HNRNPLL: variants seen among roughly 807,000 people sequenced by gnomAD.
The protein encoded by HNRNPLL is heterogeneous nuclear ribonucleoprotein L-like.
HNRNPLL carries 25 observed loss-of-function variants against 67.1 expected under a neutral mutation model. The ratio of observed to expected loss-of-function variants is 0.37; its 90% CI spans 0.27 to 0.52. The LOEUF (loss-of-function observed/expected upper bound fraction) is 0.52. Ranked by LOEUF, HNRNPLL falls within the 20% of genes least tolerant of loss-of-function variation. The probability of loss-of-function intolerance (pLI) is 0.90; values close to 1 mark genes in which losing one functional copy is unlikely to be tolerated. For synonymous variants in HNRNPLL, 267 were observed against 241.7 expected, an observed-to-expected ratio of 1.10 and a Z score of -0.97; for missense variants, 542 against 673.9, an observed-to-expected ratio of 0.80 and a Z score of 2.17.
chr2:38,600,017 A>G (rs1667359808), intron 1 of HNRNPLL: 1 of 429,356 alleles, frequency 2.3e-6, no homozygotes, highest in Admixed American at 2.9e-5. Context: ...ACGAAGAAGC[A>G]CAAGACAGTA....
chr2:38,564,979 T>C (rs1665800533), intron 12 of HNRNPLL, among the ~76,000 whole-genome samples: 1 of 148,908 alleles, frequency 6.7e-6, no homozygotes, highest in South Asian at 2.1e-4. Context: ...ATGGGGTACA[T>C]AAGTTTTGAA....
At chr2:38,585,947 AT>A in intron 2 of HNRNPLL, 66 bp from the exon 3 acceptor site, 2 of 955,116 alleles carry the variant, frequency 2.1e-6, no homozygotes, top group Non-Finnish European at 3.4e-6. Flanking sequence ...TTTGTCCTCA[AT>A]TAAGTAAAAG....
Position 38,602,879 on chromosome 2 carries a change from C to T in HNRNPLL, c.-253G>A, listed in dbSNP as rs939788105. ...TACCGAGCCAACATTCAGCCTCTCCCTCCTCCTCCTCCGTCTCCGCTCCCT... is the reference window on the plus strand; with the variant it reads ...TACCGAGCCAACATTCAGCCTCTCCTTCCTCCTCCTCCGTCTCCGCTCCCT... On this transcript the variant is annotated 5_prime_UTR_variant, in exon 1 of 13. Transcript: ENST00000449105. 5 of 1,532,534 alleles carry T rather than the reference C, an allele frequency of 3.3e-6. No individual in the cohort carries two copies. Among genetic ancestry groups the T allele is most frequent in the South Asian group, 1.2e-5 (1 of 83,146 alleles). 94.9% of individuals were successfully genotyped at this position (1,532,534 alleles called of 1,614,324 possible).
chr2:38,600,017 A>T, intron 1 of HNRNPLL: 1 of 429,474 alleles, frequency 2.3e-6, no homozygotes, highest in South Asian at 1.7e-5. Context: ...ACGAAGAAGC[A>T]CAAGACAGTA....
chr2:38,584,062 AATT>A (rs1237687830), intron 3 of HNRNPLL, 136 bp from the exon 4 acceptor site: 1 of 456,084 alleles, frequency 2.2e-6, no homozygotes, highest in African/African-American at 2.0e-5. Context: ...TAATTCTTAA[AATT>A]ATTACTTTTT....
At chr2:38,566,742 G>T (rs1272552994) in intron 12 of HNRNPLL, among the ~76,000 whole-genome samples, 1 of 151,672 alleles carries the variant, frequency 6.6e-6, no homozygotes, top group African/African-American at 2.4e-5. Context: ...CTAGCACTTT[G>T]GGAGGCTGAG....
At chr2:38,595,760 C>G (rs1011326212) in intron 1 of HNRNPLL, among the ~76,000 whole-genome samples, 2 of 152,092 alleles carry the variant, frequency 1.3e-5, no homozygotes, top group African/African-American at 4.8e-5. Flanking sequence ...AGGAGAATGG[C>G]GTGAACCCGG....
At chr2:38,592,885 A>C (rs1266823288) in intron 1 of HNRNPLL, among the ~76,000 whole-genome samples, 1 of 152,206 alleles carries the variant, frequency 6.6e-6, no homozygotes, top group African/African-American at 2.4e-5. Context: ...AAAATTTAAC[A>C]ATTGTTTTAA....
In HNRNPLL at chr2:38,602,705, C is replaced by T; in HGVS notation, c.-79G>A. The T allele has an allele frequency of 7.0e-7, 1 of 1,431,404 alleles. No homozygotes were observed. Among genetic ancestry groups the T allele is most frequent in the Admixed American group, 3.1e-5 (1 of 32,020 alleles). The allele number at this position is 1,431,404 out of a possible 1,614,324, so 88.7% of individuals were successfully genotyped here. ...GCGCCTCGGATGCCGCCGGCCAGTCCTCGCCGCCGGCAGCGCCTCTTCTGC... is the reference window on the plus strand; with the variant it reads ...GCGCCTCGGATGCCGCCGGCCAGTCTTCGCCGCCGGCAGCGCCTCTTCTGC... On this transcript the variant is annotated 5_prime_UTR_variant, in exon 1 of 13. Coordinates refer to ENST00000449105, the MANE Select transcript of HNRNPLL (RefSeq NM_138394.4).
intron 12 of HNRNPLL, among the ~76,000 whole-genome samples, chr2:38,567,110 T>C (rs1455819406): frequency 6.6e-6 from 1 of 151,998 alleles, no homozygotes; most frequent in Non-Finnish European, 1.5e-5. Flanking sequence ...TGTTTTTTTA[T>C]TTTATTTTTT....
At chr2:38,586,515 C>T (rs1002346013) in intron 2 of HNRNPLL, among the ~76,000 whole-genome samples, 2 of 152,194 alleles carry the variant, frequency 1.3e-5, no homozygotes, top group Admixed American at 1.3e-4. Context: ...TAGAAACCAA[C>T]GCAGATCAAA....
At position 38,568,188 on chromosome 2, in the gene HNRNPLL, AT is replaced by A. The variant is rs768614620; in HGVS notation, c.1573+10del. 6.4e-7 allele frequency: 1 copy of A among 1,560,064 alleles called. No homozygotes were observed. The highest frequency in any genetic ancestry group is 1.1e-5 in the South Asian group (1 of 88,356). Reference sequence around the variant, plus strand: ...TACATAATTACAACACAAATAAAGCATTTTACTTACTCGGCACTCTTATCTG... The same window carrying A: ...TACATAATTACAACACAAATAAAGCATTTACTTACTCGGCACTCTTATCTG... On this transcript the variant is annotated intron_variant, in intron 12 of 12. Transcript: ENST00000449105.
At chr2:38,577,399 T>C (rs1376855395) in intron 7 of HNRNPLL, 62 bp downstream of exon 7, 3 of 1,018,318 alleles carry the variant, frequency 2.9e-6, no homozygotes, top group African/African-American at 3.2e-5. Context: ...CCATACTTCA[T>C]CAGAAATGCA....
intron 8 of HNRNPLL, among the ~76,000 whole-genome samples, chr2:38,571,584 A>G (rs1450736625): frequency 6.6e-6 from 1 of 152,156 alleles, no homozygotes; most frequent in African/African-American, 2.4e-5. Flanking sequence ...TTTCAGCTTT[A>G]TTTGAAATCT....
At chr2:38,565,352 T>G (rs1021619466) in intron 12 of HNRNPLL, among the ~76,000 whole-genome samples, 1 of 152,178 alleles carries the variant, frequency 6.6e-6, no homozygotes, top group Non-Finnish European at 1.5e-5. Context: ...TAAAACTTTC[T>G]CTCAAAAATT....
intron 1 of HNRNPLL, among the ~76,000 whole-genome samples, chr2:38,593,012 C>A (rs1197177055): frequency 6.6e-6 from 1 of 152,118 alleles, no homozygotes; most frequent in African/African-American, 2.4e-5. Flanking sequence ...TATGTCACAA[C>A]TGAAAGAAAG....
chr2:38,562,302 C>T lies in HNRNPLL; in HGVS notation c.*1880G>A, dbSNP rs1404295982. On this transcript the variant is annotated 3_prime_UTR_variant, in exon 13 of 13. Transcript: ENST00000449105. ...GGCCCAACTTACCAACTAGTTTACT[C>T]CCAAACAATTCACTTATTTTGGTGG... 2 of 152,134 alleles carry T rather than the reference C, an allele frequency of 1.3e-5. No homozygotes were observed. The highest frequency in any genetic ancestry group is 3.8e-4 in the East Asian group (2 of 5,208). The allele number at this position is 152,134 out of a possible 1,614,324, so 9.4% of individuals were successfully genotyped here.
chr2:38,582,287 A>G (rs888079625), intron 4 of HNRNPLL, 119 bp from the exon 5 acceptor site: 23 of 730,866 alleles, frequency 3.1e-5, no homozygotes, highest in Admixed American at 7.6e-5. Flanking sequence ...ATGTTTTACC[A>G]ATTTCAGGAT....
rs191069734 is a variant in HNRNPLL, at chr2:38,562,418, T to C, written c.*1764A>G. ...AGTCCTGCCAACACCTACAGGTTTATTTCTTAAAATCTTAGGCATTAAAAA... is the reference window on the plus strand; with the variant it reads ...AGTCCTGCCAACACCTACAGGTTTACTTCTTAAAATCTTAGGCATTAAAAA... On this transcript the variant is annotated 3_prime_UTR_variant, in exon 13 of 13. Transcript: ENST00000449105. 102 of 152,276 alleles carry C rather than the reference T, an allele frequency of 6.7e-4. No homozygotes were observed. Among genetic ancestry groups the C allele is most frequent in the African/African-American group, 2.4e-3 (99 of 41,582 alleles). 9.4% of individuals were successfully genotyped at this position (152,276 alleles called of 1,614,324 possible). A position where few individuals can be genotyped will look rare whatever the true frequency, so the allele number is the denominator to read the frequency against.
Sources: allele counts gnomAD v4.1 joint callset (sites outside exome capture counted in the v4.1 genomes callset), GRCh38; gene constraint gnomAD v4.1.1; transcripts MANE v1.5; gene names NCBI Gene and HGNC (gene_info 2026-07-23, HGNC 2026-07-21).